Variants in CAMTA1 observed in about 807,000 individuals in gnomAD.
The protein encoded by CAMTA1 is calmodulin-binding transcription activator 1.
CAMTA1 carries 27 observed loss-of-function variants against 170.9 expected under a neutral mutation model. The observed-to-expected ratio is 0.16, with a 90% CI of 0.12 to 0.22. The LOEUF (loss-of-function observed/expected upper bound fraction) is 0.22, where lower values mean the gene tolerates loss of function less well. Among genes scored for constraint, CAMTA1 ranks in the 10% least tolerant of loss-of-function variants. CAMTA1 has a pLI of 1.00. For missense variants in CAMTA1, 1,619 were observed against 2,217.2 expected (o/e 0.73, Z 5.42); for synonymous variants, 833 against 891.5 (o/e 0.93, Z 1.17).
chr1:7,528,138 T>A (rs570057352), intron 6 of CAMTA1, among the ~76,000 whole-genome samples: 1 of 152,300 alleles, frequency 6.6e-6, no homozygotes, highest in Non-Finnish European at 1.5e-5. Flanking sequence ...AAAAGCTTGC[T>A]CTCTTTAGAT....
At chr1:7,594,869 G>A (rs1288465533) in intron 6 of CAMTA1, among the ~76,000 whole-genome samples, 7 of 152,202 alleles carry the variant, frequency 4.6e-5, no homozygotes, top group African/African-American at 7.2e-5. Flanking sequence ...TATTGCAGTC[G>A]AGGTGCTTGT....
chr1:7,219,030 A>G (rs1198484868), intron 4 of CAMTA1, among the ~76,000 whole-genome samples: 6 of 152,222 alleles, frequency 3.9e-5, no homozygotes, highest in African/African-American at 1.4e-4. Context: ...TTGTAACTCA[A>G]GCCTGTTATG....
At chr1:7,119,366 CATG>C (rs1644513355) in intron 4 of CAMTA1, among the ~76,000 whole-genome samples, 1 of 152,130 alleles carries the variant, frequency 6.6e-6, no homozygotes, top group Admixed American at 6.6e-5. Context: ...TTGTATTAAA[CATG>C]AGAGACACAA....
chr1:7,696,573 TGA>T (rs1379799873), intron 11 of CAMTA1, among the ~76,000 whole-genome samples: 6 of 152,120 alleles, frequency 3.9e-5, no homozygotes, highest in African/African-American at 1.4e-4. Flanking sequence ...GTGCATTTTT[TGA>T]GAGTACTTTT....
chr1:6,881,548 G>A (rs1188350399), intron 3 of CAMTA1, among the ~76,000 whole-genome samples: 2 of 152,224 alleles, frequency 1.3e-5, no homozygotes, highest in East Asian at 1.9e-4. Context: ...GAAGGGGCAC[G>A]GGAGGGGAGG....
intron 5 of CAMTA1, among the ~76,000 whole-genome samples, chr1:7,294,691 A>G (rs1032289440): frequency 6.6e-6 from 1 of 152,130 alleles, no homozygotes; most frequent in African/African-American, 2.4e-5. Flanking sequence ...GGGCATTGTG[A>G]TTTTATCCTT....
In CAMTA1 at chr1:7,585,747, G is replaced by T. The variant is rs538074829; in HGVS notation, c.511-54653G>T. Among the ~76,000 whole-genome samples, 138 of 151,024 alleles carry T rather than the reference G, an allele frequency of 9.1e-4. 4 individuals carry two copies. The highest frequency in any genetic ancestry group is 3.1e-3 in the African/African-American group (124 of 40,416). The stretch of plus-strand genomic sequence containing the variant: ...GGTGCCCAGTTCATACATCCTAGAG[G>T]GGGGCTCTCTTGTGGACAGACAGGC... On this transcript the variant is annotated intron_variant, in intron 6 of 22. Transcript: ENST00000303635. The surrounding 1 kb of genome is among the most constrained non-coding windows in gnomAD (Gnocchi z 4.8).
chr1:7,492,914 CACAA>C (rs1557805835), intron 6 of CAMTA1, among the ~76,000 whole-genome samples: 7 of 148,540 alleles, frequency 4.7e-5, no homozygotes. Flanking sequence ...CGTGCACACA[CACAA>C]ACCTGCAAAC....
intron 5 of CAMTA1, among the ~76,000 whole-genome samples, chr1:7,359,318 G>A (rs565270156): frequency 3.3e-5 from 5 of 152,258 alleles, no homozygotes; most frequent in African/African-American, 1.2e-4. Flanking sequence ...AAAGAGCTGG[G>A]CACCTGGACA....
chr1:7,506,314 A>C (rs12059554), intron 6 of CAMTA1, among the ~76,000 whole-genome samples: 2 of 152,120 alleles, frequency 1.3e-5, no homozygotes, highest in African/African-American at 4.8e-5. Context: ...AAGTGAGCCC[A>C]GCCCAGCCCT....
At chr1:7,066,678 G>A (rs891635868) in intron 3 of CAMTA1, among the ~76,000 whole-genome samples, 1 of 152,214 alleles carries the variant, frequency 6.6e-6, no homozygotes, top group African/African-American at 2.4e-5. Flanking sequence ...TGTCTGTTAA[G>A]TAAACAGTTG....
At chr1:6,821,354 T>A (rs1570457104) in intron 2 of CAMTA1, among the ~76,000 whole-genome samples, 1 of 152,220 alleles carries the variant, frequency 6.6e-6, no homozygotes. Context: ...GTAATGGCTG[T>A]ATTTGCTGCT....
intron 5 of CAMTA1, among the ~76,000 whole-genome samples, chr1:7,342,078 A>G (rs899251766): frequency 1.3e-5 from 2 of 152,260 alleles, no homozygotes; most frequent in African/African-American, 4.8e-5. Context: ...TTACAAATGC[A>G]GAAACTGAGG....
In CAMTA1 at chr1:7,147,435, A is replaced by C. The variant is rs547652031; in HGVS notation, c.302+56064A>C. ...CGAGACTCCGTCTCAAAAAAAAAAA[A>C]AAAACACCCCAAATATACATCATGC... On this transcript the variant is annotated intron_variant, in intron 4 of 22. Coordinates refer to ENST00000303635, the MANE Select transcript of CAMTA1 (RefSeq NM_015215.4). Among the ~76,000 whole-genome samples the C allele has an allele frequency of 7.4e-3, 1,127 of 151,636 alleles. 12 individuals carry two copies. Among genetic ancestry groups the C allele is most frequent in the African/African-American group, 0.026 (1,053 of 41,270 alleles).
chr1:7,683,807 G>C (rs1039638846), intron 11 of CAMTA1, among the ~76,000 whole-genome samples: 1 of 152,210 alleles, frequency 6.6e-6, no homozygotes, highest in African/African-American at 2.4e-5. Flanking sequence ...TATACATTGC[G>C]GTGGGTGTCT....
At chr1:6,953,219 T>C (rs1355741838) in intron 3 of CAMTA1, among the ~76,000 whole-genome samples, 1 of 152,216 alleles carries the variant, frequency 6.6e-6, no homozygotes, top group East Asian at 1.9e-4. Context: ...TAGATTCCAT[T>C]CGTGGAGCCG....
chr1:7,439,411 G>C (rs1345732893), intron 5 of CAMTA1, among the ~76,000 whole-genome samples: 1 of 152,164 alleles, frequency 6.6e-6, no homozygotes, highest in East Asian at 1.9e-4. Flanking sequence ...GTCAGGCCGA[G>C]TGGACACTAC....
At position 7,432,684 on chromosome 1, in the gene CAMTA1, G is replaced by A. The variant is rs1310839222; in HGVS notation, c.439-35146G>A. ...TGAGCAAGCCTTGGGAAGGGAATCT[G>A]GCTGCTCCCCACACAGCAGCTGCCT... On this transcript the variant is annotated intron_variant, in intron 5 of 22. Transcript: ENST00000303635. 2.0e-5 allele frequency among the ~76,000 whole-genome samples: 3 copies of A among 152,174 alleles called. No individual in the cohort carries two copies. The East Asian group carries it at 5.8e-4, about 29-fold the overall frequency.
chr1:7,548,666 G>A (rs866975137), intron 6 of CAMTA1, among the ~76,000 whole-genome samples: 18 of 143,558 alleles, frequency 1.3e-4, no homozygotes, highest in Non-Finnish European at 2.3e-4. Context: ...CCCCTTAGGG[G>A]TGGAGATGCC....
Sources: gnomAD v4.1 joint callset for allele counts (sites outside exome capture counted in the v4.1 genomes callset) on GRCh38, gnomAD v4.1.1 for gene constraint, Gnocchi (gnomAD v3.1) non-coding constraint, MANE v1.5 for transcripts, NCBI Gene and HGNC (gene_info 2026-07-23, HGNC 2026-07-21) for gene names.